Variants in SCP2 observed in about 807,000 individuals in gnomAD.
SCP2 encodes SCP-2/3-oxoacyl-CoA thiolase.
A neutral mutation model predicts 71.4 loss-of-function variants in SCP2; 48 were observed. The ratio of observed to expected loss-of-function variants is 0.67; its 90% CI spans 0.53 to 0.86. The LOEUF (loss-of-function observed/expected upper bound fraction) is 0.86. Ranked by LOEUF, SCP2 falls within the 40% of genes least tolerant of loss-of-function variation. The pLI, the probability that SCP2 is intolerant of heterozygous loss-of-function variation, is 0.00. For synonymous variants in SCP2, 220 were observed against 218.1 expected (o/e 1.01, Z -0.08); for missense variants, 560 against 655.6 (o/e 0.85, Z 1.59).
chr1:53,035,700 G>A (rs1223610406), intron 13 of SCP2, among the ~76,000 whole-genome samples: 1 of 148,116 alleles, frequency 6.8e-6, no homozygotes, highest in Non-Finnish European at 1.5e-5. Flanking sequence ...TATTGGCACA[G>A]AAATAGCTAG....
chr1:53,002,714 C>T (rs887614506), intron 11 of SCP2, among the ~76,000 whole-genome samples: 2 of 152,242 alleles, frequency 1.3e-5, no homozygotes, highest in East Asian at 1.9e-4. Flanking sequence ...TCTAATGACA[C>T]GTATATTATT....
chr1:52,942,601 G>GAT (rs1229381469), intron 2 of SCP2, among the ~76,000 whole-genome samples: 1 of 149,266 alleles, frequency 6.7e-6, no homozygotes, highest in South Asian at 2.1e-4. Context: ...TTCTTTACAT[G>GAT]ATATATATAA....
chr1:53,019,196 G>C (rs1661547933), intron 12 of SCP2, among the ~76,000 whole-genome samples: 1 of 152,162 alleles, frequency 6.6e-6, no homozygotes, highest in South Asian at 2.1e-4. Context: ...GTTTTCCTCT[G>C]AAAAGTTGCT....
intron 13 of SCP2, among the ~76,000 whole-genome samples, chr1:53,037,908 A>ACACC (rs1663092970): frequency 7.7e-6 from 1 of 129,554 alleles, no homozygotes; most frequent in African/African-American, 3.1e-5. Flanking sequence ...ACACACACAC[A>ACACC]CACACACACA....
chr1:52,977,349 C>A (rs1005541021), intron 8 of SCP2, among the ~76,000 whole-genome samples: 2 of 152,190 alleles, frequency 1.3e-5, no homozygotes, highest in Non-Finnish European at 2.9e-5. Flanking sequence ...ATATGAGGGT[C>A]TGCCCATTTA....
chr1:52,952,730 A>C (rs1453239600), intron 4 of SCP2, among the ~76,000 whole-genome samples: 34 of 152,114 alleles, frequency 2.2e-4, no homozygotes, highest in Non-Finnish European at 2.9e-5. Flanking sequence ...CTGTGCCACT[A>C]TACTCCAGCC....
At chr1:53,006,788 C>T (rs1368233889) in intron 11 of SCP2, among the ~76,000 whole-genome samples, 2 of 152,072 alleles carry the variant, frequency 1.3e-5, no homozygotes, top group South Asian at 2.1e-4. Context: ...CAATATTAAC[C>T]TTAAATGTAA....
Position 53,048,276 on chromosome 1 carries a change from A to G in SCP2, c.1548+339A>G, listed in dbSNP as rs1336358924. ...TCTCTGGGCCATCAGGGAGAGCACC[A>G]CAGAGGAAGCAGCTCTTGAGCTTAG... On this transcript the variant is annotated intron_variant, in intron 15 of 15. Transcript: ENST00000371514. 14 of 349,842 alleles carry G rather than the reference A, an allele frequency of 4.0e-5. 1 individual carries two copies. The highest frequency in any genetic ancestry group is 3.1e-4 in the South Asian group (13 of 42,508). The allele number at this position is 349,842 out of a possible 1,614,324, so 21.7% of individuals were successfully genotyped here.
chr1:52,954,056 A>T (rs1031459463), intron 4 of SCP2, among the ~76,000 whole-genome samples: 65 of 151,702 alleles, frequency 4.3e-4, no homozygotes, highest in African/African-American at 1.5e-3. Flanking sequence ...TCATGCCTGT[A>T]ATCCTAGCAC....
intron 9 of SCP2, among the ~76,000 whole-genome samples, chr1:52,979,432 C>T (rs948704213): frequency 2.6e-5 from 4 of 151,728 alleles, no homozygotes; most frequent in African/African-American, 4.8e-5. Flanking sequence ...TCACCTGCCT[C>T]GGCCTCCCAA....
intron 12 of SCP2, among the ~76,000 whole-genome samples, chr1:53,016,027 T>G (rs1316787203): frequency 6.7e-6 from 1 of 150,278 alleles, no homozygotes; most frequent in Non-Finnish European, 1.5e-5. Flanking sequence ...ACAAAGGATA[T>G]GAGACACACT....
intron 14 of SCP2, among the ~76,000 whole-genome samples, chr1:53,039,935 C>G (rs746492251): frequency 4.6e-5 from 7 of 152,212 alleles, no homozygotes; most frequent in Non-Finnish European, 1.0e-4. Flanking sequence ...GATATTTCTT[C>G]TCCCCTCTAA....
chr1:52,933,513 C>T (rs1413804925), intron 1 of SCP2, among the ~76,000 whole-genome samples: 4 of 152,136 alleles, frequency 2.6e-5, no homozygotes, highest in Non-Finnish European at 5.9e-5. Context: ...TAATTATAGT[C>T]TTTGGAGGAT....
intron 10 of SCP2, among the ~76,000 whole-genome samples, chr1:52,982,565 A>G (rs935201998): frequency 6.6e-6 from 1 of 152,036 alleles, no homozygotes; most frequent in Non-Finnish European, 1.5e-5. Context: ...GCGAGACTCC[A>G]TCTCAAAAAA....
At chr1:53,012,553 T>C (rs909543862) in intron 11 of SCP2, among the ~76,000 whole-genome samples, 1 of 152,252 alleles carries the variant, frequency 6.6e-6, no homozygotes, top group Non-Finnish European at 1.5e-5. Flanking sequence ...CATTCCCCAG[T>C]TACTTCACTT....
intron 6 of SCP2, 27 bp downstream of exon 6, chr1:52,961,656 G>A (rs754805937): frequency 2.5e-6 from 4 of 1,599,250 alleles, no homozygotes; most frequent in Non-Finnish European, 3.4e-6. Flanking sequence ...AAACTTTGAG[G>A]CTTCTTACTA....
intron 14 of SCP2, among the ~76,000 whole-genome samples, chr1:53,043,707 C>T (rs1663586497): frequency 6.6e-6 from 1 of 152,202 alleles, no homozygotes; most frequent in South Asian, 2.1e-4. Context: ...ATAGCAGCAG[C>T]AGTAGCAGAT....
At chr1:52,985,925 C>T (rs1458495538) in intron 10 of SCP2, among the ~76,000 whole-genome samples, 1 of 152,170 alleles carries the variant, frequency 6.6e-6, no homozygotes, top group African/African-American at 2.4e-5. Flanking sequence ...TATACCCTTT[C>T]CCTGCTTTCT....
At chr1:52,930,334 T>A (rs944827139) in intron 1 of SCP2, among the ~76,000 whole-genome samples, 7 of 141,260 alleles carry the variant, frequency 5.0e-5, no homozygotes, top group African/African-American at 1.5e-4. Context: ...AAAAAAAAAA[T>A]TGCTGCTTGG....
Sources: allele counts gnomAD v4.1 joint callset (sites outside exome capture counted in the v4.1 genomes callset), GRCh38; gene constraint gnomAD v4.1.1; transcripts MANE v1.5; gene names NCBI Gene and HGNC (gene_info 2026-07-23, HGNC 2026-07-21).